Variants in SPAG17 observed in about 807,000 individuals in gnomAD.
SPAG17 encodes the protein sperm associated antigen 17.
SPAG17 carries 169 observed loss-of-function variants against 273.6 expected under a neutral mutation model. That is an observed-to-expected ratio of 0.62 (90% CI 0.55 to 0.70). The LOEUF (loss-of-function observed/expected upper bound fraction) is 0.70, where lower values mean the gene tolerates loss of function less well. SPAG17 is among the 30% of genes least tolerant of loss of function. The pLI is 0.00. For synonymous variants in SPAG17, 825 were observed against 873.2 expected, an observed-to-expected ratio of 0.94 and a Z score of 0.97; for missense variants, 2,557 against 2,627.8, an observed-to-expected ratio of 0.97 and a Z score of 0.59.
At chr1:118,158,971 C>G (rs1266371068) in intron 1 of SPAG17, among the ~76,000 whole-genome samples, 1 of 152,232 alleles carries the variant, frequency 6.6e-6, no homozygotes, top group Non-Finnish European at 1.5e-5. Context: ...CCTGCTTCAC[C>G]CATGTGCCTA....
intron 3 of SPAG17, among the ~76,000 whole-genome samples, chr1:118,117,039 G>A (rs1239778386): frequency 6.6e-6 from 1 of 152,216 alleles, no homozygotes; most frequent in Non-Finnish European, 1.5e-5. Flanking sequence ...AGTGAAAGCT[G>A]TCTGACTGGG....
intron 3 of SPAG17, among the ~76,000 whole-genome samples, chr1:118,147,162 CTGAGGTTAGAGTCTTTGCTTCT>C (rs1429167737): frequency 3.9e-5 from 6 of 152,082 alleles, no homozygotes; most frequent in African/African-American, 1.4e-4. Flanking sequence ...CTTAAGCTTC[CTGAGGTTAGAGTCTTTGCTTCT>C]TGAGGTTAGA....
intron 7 of SPAG17, among the ~76,000 whole-genome samples, chr1:118,097,013 T>C (rs1655753518): frequency 6.6e-6 from 1 of 152,154 alleles, no homozygotes; most frequent in Non-Finnish European, 1.5e-5. Context: ...GGCAGGTGGA[T>C]CACCTGAGGT....
chr1:118,052,341 TAA>T (rs1651155029), intron 20 of SPAG17, among the ~76,000 whole-genome samples: 1 of 151,682 alleles, frequency 6.6e-6, no homozygotes, highest in South Asian at 2.1e-4. Context: ...ATGTGGAATC[TAA>T]AAGAGTTGAA....
intron 1 of SPAG17, among the ~76,000 whole-genome samples, chr1:118,184,783 G>T (rs180947734): frequency 1.4e-4 from 22 of 152,296 alleles, no homozygotes; most frequent in African/African-American, 4.6e-4. Flanking sequence ...GTGCCATCTG[G>T]ACGACTTCAC....
At chr1:118,147,795 C>T (rs1558045639) in intron 3 of SPAG17, among the ~76,000 whole-genome samples, 1 of 152,148 alleles carries the variant, frequency 6.6e-6, no homozygotes, top group Non-Finnish European at 1.5e-5. Flanking sequence ...TTTGCTAGCC[C>T]AGACATTTGG....
At chr1:117,983,765 C>A (rs1227100491) in intron 42 of SPAG17, 46 bp downstream of exon 42, 4 of 1,330,138 alleles carry the variant, frequency 3.0e-6, no homozygotes, top group Non-Finnish European at 4.3e-6. Context: ...AGGTATTATT[C>A]AGTTACGGAC....
At chr1:118,103,532 C>G (rs1205808716) in intron 4 of SPAG17, among the ~76,000 whole-genome samples, 1 of 152,060 alleles carries the variant, frequency 6.6e-6, no homozygotes, top group East Asian at 1.9e-4. Context: ...AGGTAAGGTA[C>G]AGAAGAGTGA....
intron 36 of SPAG17, among the ~76,000 whole-genome samples, chr1:117,992,024 T>C (rs1249579927): frequency 6.6e-6 from 1 of 152,202 alleles, no homozygotes; most frequent in Non-Finnish European, 1.5e-5. Flanking sequence ...AAAACACATA[T>C]AATCCCTGTA....
At chr1:118,042,179 C>T in intron 20 of SPAG17, 137 bp from the exon 21 acceptor site, 1 of 1,026,836 alleles carries the variant, frequency 9.7e-7, no homozygotes, top group East Asian at 2.5e-5. Context: ...AACTAGAAGC[C>T]TTGACGTCAT....
chr1:117,966,854 G>C, intron 46 of SPAG17, 101 bp from the exon 47 acceptor site: 1 of 1,031,100 alleles, frequency 9.7e-7, no homozygotes, highest in Non-Finnish European at 1.3e-6. Context: ...TCTTACCTTT[G>C]GTTTCTTCAT....
intron 28 of SPAG17, among the ~76,000 whole-genome samples, chr1:118,022,627 G>C (rs755092916): frequency 1.3e-5 from 2 of 152,150 alleles, no homozygotes; most frequent in Non-Finnish European, 2.9e-5. Context: ...CACTTCTCAG[G>C]ACAGCAGTCT....
intron 42 of SPAG17, among the ~76,000 whole-genome samples, chr1:117,983,247 C>A (rs1309864080): frequency 6.6e-6 from 1 of 152,178 alleles, no homozygotes; most frequent in African/African-American, 2.4e-5. Context: ...ATCACGAGAA[C>A]AGCACGGGAA....
chr1:118,034,525 T>C (rs1162313800), intron 24 of SPAG17, among the ~76,000 whole-genome samples: 2 of 152,254 alleles, frequency 1.3e-5, no homozygotes, highest in Middle Eastern at 3.2e-3. Flanking sequence ...TACTGCCACT[T>C]GCTCTGGGAA....
chr1:118,005,816 C>T (rs1658820523), intron 31 of SPAG17, among the ~76,000 whole-genome samples: 1 of 152,042 alleles, frequency 6.6e-6, no homozygotes, highest in South Asian at 2.1e-4. Context: ...TCTCCTGTAT[C>T]CTCATATCTT....
chr1:118,001,028 TG>T (rs1212002340), intron 32 of SPAG17, among the ~76,000 whole-genome samples: 2 of 152,154 alleles, frequency 1.3e-5, no homozygotes, highest in African/African-American at 4.8e-5. Context: ...GTTTTTAGCA[TG>T]AAGTGCTGTT....
At chr1:118,084,556 A>G (rs1654840639) in intron 13 of SPAG17, among the ~76,000 whole-genome samples, 1 of 152,068 alleles carries the variant, frequency 6.6e-6, no homozygotes, top group African/African-American at 2.4e-5. Context: ...TATCTTAATG[A>G]CCCCTCTTCC....
chr1:118,183,399 T>C (rs1319308942), intron 1 of SPAG17, among the ~76,000 whole-genome samples: 1 of 152,156 alleles, frequency 6.6e-6, no homozygotes. Flanking sequence ...TGGGAATTAT[T>C]CTTTTAGATC....
At chr1:118,078,533 G>A (rs1001882920) in intron 15 of SPAG17, among the ~76,000 whole-genome samples, 1 of 151,976 alleles carries the variant, frequency 6.6e-6, no homozygotes, top group African/African-American at 2.4e-5. Context: ...TACAAATAAT[G>A]ATGGTTTTAT....
Sources: allele counts gnomAD v4.1 joint callset (sites outside exome capture counted in the v4.1 genomes callset), GRCh38; gene constraint gnomAD v4.1.1; transcripts MANE v1.5; gene names NCBI Gene and HGNC (gene_info 2026-07-23, HGNC 2026-07-21).